Variants in KCNQ5 observed in about 807,000 individuals in gnomAD.
KCNQ5 encodes potassium voltage-gated channel subfamily KQT member 5.
KCNQ5 carries 30 observed loss-of-function variants against 98.2 expected under a neutral mutation model. The observed-to-expected ratio is 0.31, with a 90% CI of 0.23 to 0.41. KCNQ5 has a LOEUF of 0.41. Ranked by LOEUF, KCNQ5 falls within the 10% of genes least tolerant of loss-of-function variation. The pLI is 1.00. For synonymous variants in KCNQ5, 458 were observed against 449.4 expected (o/e 1.02, Z -0.24); for missense variants, 835 against 1,182.5 (o/e 0.71, Z 4.31).
intron 1 of KCNQ5, among the ~76,000 whole-genome samples, chr6:72,690,229 G>A (rs559504149): frequency 2.4e-4 from 37 of 152,076 alleles, no homozygotes; most frequent in Non-Finnish European, 3.4e-4. Context: ...CCGTGATCCC[G>A]TCTCCAAAAA....
chr6:72,808,612 G>A (rs896713092), intron 1 of KCNQ5, among the ~76,000 whole-genome samples: 6 of 152,014 alleles, frequency 3.9e-5, no homozygotes, highest in Non-Finnish European at 5.9e-5. Context: ...CACTTTCAAG[G>A]AGCCTTTCCC....
At chr6:72,843,528 T>C (rs1323791109) in intron 1 of KCNQ5, among the ~76,000 whole-genome samples, 2 of 152,142 alleles carry the variant, frequency 1.3e-5, no homozygotes, top group Admixed American at 1.3e-4. Flanking sequence ...AGAAAGCCAA[T>C]GGTAGCTTGA....
At chr6:72,779,819 TTC>T (rs1773360852) in intron 1 of KCNQ5, among the ~76,000 whole-genome samples, 2 of 137,644 alleles carry the variant, frequency 1.5e-5, no homozygotes, top group Non-Finnish European at 1.6e-5. Context: ...TAATTTAATT[TTC>T]TGTGTGTGTG....
intron 1 of KCNQ5, among the ~76,000 whole-genome samples, chr6:72,669,187 C>T (rs955017975): frequency 6.6e-6 from 1 of 152,094 alleles, no homozygotes; most frequent in Non-Finnish European, 1.5e-5. Context: ...TATGATTCAT[C>T]ATGAGGCAAA....
At chr6:73,178,141 A>T (rs1161209286) in intron 11 of KCNQ5, among the ~76,000 whole-genome samples, 1 of 151,666 alleles carries the variant, frequency 6.6e-6, no homozygotes, top group African/African-American at 2.4e-5. Context: ...TTTAAAATTT[A>T]TGCAAGATTT....
intron 1 of KCNQ5, among the ~76,000 whole-genome samples, chr6:72,952,953 C>T (rs187052833): frequency 5.3e-5 from 8 of 152,292 alleles, no homozygotes; most frequent in African/African-American, 1.9e-4. Flanking sequence ...TGAACTCTTT[C>T]CTGCATTTCC....
At position 73,198,436 on chromosome 6, in the gene KCNQ5, A is replaced by G. The variant is rs933001717; in HGVS notation, c.*3022A>G. ...AGTGATTCTGAAGTTCTTAATTTGC[A>G]AGTAAAATAAGTCTACTAGAGAGGA... On this transcript the variant is annotated 3_prime_UTR_variant, in exon 14 of 14. Coordinates refer to ENST00000370398, the MANE Select transcript of KCNQ5 (RefSeq NM_019842.4). 6.6e-6 allele frequency: 1 copy of G among 152,194 alleles called. No individual in the cohort carries two copies. Among genetic ancestry groups the G allele is most frequent in the African/African-American group, 2.4e-5 (1 of 41,438 alleles). The allele number at this position is 152,194 out of a possible 1,614,324, so 9.4% of individuals were successfully genotyped here. A position where few individuals can be genotyped will look rare whatever the true frequency, so the allele number is the denominator to read the frequency against.
chr6:73,028,300 T>C (rs1770981819), intron 2 of KCNQ5, among the ~76,000 whole-genome samples: 1 of 152,126 alleles, frequency 6.6e-6, no homozygotes, highest in Non-Finnish European at 1.5e-5. Context: ...TGTGAGAGCA[T>C]TTCCTCCCTC....
intron 1 of KCNQ5, among the ~76,000 whole-genome samples, chr6:72,897,763 G>A (rs1704585891): frequency 1.3e-5 from 2 of 152,166 alleles, no homozygotes; most frequent in African/African-American, 4.8e-5. Context: ...AAGGAAGGGA[G>A]GACCACAGCC....
chr6:72,896,220 T>G (rs1000519374), intron 1 of KCNQ5, among the ~76,000 whole-genome samples: 4 of 152,180 alleles, frequency 2.6e-5, no homozygotes, highest in Non-Finnish European at 5.9e-5. Flanking sequence ...TATTTAACAG[T>G]ATTTAAACCA....
intron 1 of KCNQ5, among the ~76,000 whole-genome samples, chr6:72,758,683 A>G (rs1772098823): frequency 6.6e-6 from 1 of 152,220 alleles, no homozygotes; most frequent in Non-Finnish European, 1.5e-5. Flanking sequence ...TGAGATTTAC[A>G]GCAATTGTAA....
chr6:73,167,218 A>G (rs958287626), intron 10 of KCNQ5, among the ~76,000 whole-genome samples: 1 of 152,216 alleles, frequency 6.6e-6, no homozygotes, highest in African/African-American at 2.4e-5. Context: ...TGTCAAACAC[A>G]GAGTTAATCA....
At chr6:73,104,334 G>C (rs368474377) in intron 5 of KCNQ5, among the ~76,000 whole-genome samples, 2 of 152,052 alleles carry the variant, frequency 1.3e-5, no homozygotes, top group African/African-American at 4.8e-5. Flanking sequence ...GAAATCAAGA[G>C]AGCAATCCCA....
At chr6:73,148,123 G>T (rs1323972854) in intron 10 of KCNQ5, among the ~76,000 whole-genome samples, 2 of 152,114 alleles carry the variant, frequency 1.3e-5, no homozygotes, top group Admixed American at 6.5e-5. Flanking sequence ...TAGCAGTAGA[G>T]ACCTTATTAA....
chr6:72,941,578 C>G lies in KCNQ5; in HGVS notation c.399-62330C>G, dbSNP rs866180502. ...TCCCTCCCTCCTTCCTTCCTCCTTCCCTCCCTCCCTTCCTTCCTCCCTTAA... is the reference window on the plus strand; with the variant it reads ...TCCCTCCCTCCTTCCTTCCTCCTTCGCTCCCTCCCTTCCTTCCTCCCTTAA... On this transcript the variant is annotated intron_variant, in intron 1 of 13. Coordinates refer to ENST00000370398, the MANE Select transcript of KCNQ5 (RefSeq NM_019842.4). Among the ~76,000 whole-genome samples, 54 of 113,130 alleles carry G rather than the reference C, an allele frequency of 4.8e-4. 3 individuals carry two copies. The highest frequency in any genetic ancestry group is 1.4e-3 in the Admixed American group (14 of 10,288). The allele number at this position is 113,130 out of a possible 152,430, so 74.2% of individuals were successfully genotyped here. A position where few individuals can be genotyped will look rare whatever the true frequency, so the allele number is the denominator to read the frequency against.
chr6:72,986,518 T>C, intron 1 of KCNQ5: 1 of 550,580 alleles, frequency 1.8e-6, no homozygotes. Flanking sequence ...TCTAAGAGTG[T>C]GGTCCATGGG....
At chr6:73,008,995 AT>A (rs551076861) in intron 2 of KCNQ5, among the ~76,000 whole-genome samples, 3 of 151,320 alleles carry the variant, frequency 2.0e-5, no homozygotes, top group South Asian at 2.1e-4. Context: ...CCTTTGTTTT[AT>A]TTTTTTTTCT....
intron 1 of KCNQ5, among the ~76,000 whole-genome samples, chr6:72,940,101 C>G (rs1766150519): frequency 6.6e-6 from 1 of 152,132 alleles, no homozygotes; most frequent in South Asian, 2.1e-4. Flanking sequence ...TATTCACAAC[C>G]TCCAAGCACT....
chr6:72,660,981 G>A (rs1766492624), intron 1 of KCNQ5, among the ~76,000 whole-genome samples: 2 of 151,842 alleles, frequency 1.3e-5, no homozygotes, highest in South Asian at 4.2e-4. Flanking sequence ...TCGTGTGTAG[G>A]TGACAAAATT....
Sources: allele counts gnomAD v4.1 joint callset (sites outside exome capture counted in the v4.1 genomes callset), GRCh38; gene constraint gnomAD v4.1.1; transcripts MANE v1.5; gene names NCBI Gene and HGNC (gene_info 2026-07-23, HGNC 2026-07-21).